SND1: variants seen among roughly 807,000 people sequenced by gnomAD.
SND1 encodes staphylococcal nuclease and tudor domain containing 1, also known as staphylococcal nuclease domain-containing protein 1.
SND1 carries 38 observed loss-of-function variants against 121.7 expected under a neutral mutation model. The ratio of observed to expected loss-of-function variants is 0.31; its 90% CI spans 0.24 to 0.41. The LOEUF (loss-of-function observed/expected upper bound fraction) is 0.41, where lower values mean the gene tolerates loss of function less well. Among genes scored for constraint, SND1 ranks in the 10% least tolerant of loss-of-function variants. The pLI is 1.00. For synonymous variants in SND1, 401 were observed against 447.4 expected (o/e 0.90, Z 1.31); for missense variants, 868 against 1,184.6 (o/e 0.73, Z 3.92).
At chr7:128,071,253 G>A (rs569022416) in intron 16 of SND1, among the ~76,000 whole-genome samples, 31 of 152,296 alleles carry the variant, frequency 2.0e-4, no homozygotes, top group African/African-American at 7.2e-4. Context: ...ATTAGACAAG[G>A]TGTCTTTAAA....
intron 16 of SND1, among the ~76,000 whole-genome samples, chr7:128,016,419 C>T (rs894020751): frequency 1.3e-5 from 2 of 152,032 alleles, no homozygotes; most frequent in African/African-American, 2.4e-5. Context: ...ACCTAAGGAA[C>T]AATAAAATAC....
At chr7:127,876,925 C>T (rs1429196889) in intron 12 of SND1, among the ~76,000 whole-genome samples, 3 of 152,050 alleles carry the variant, frequency 2.0e-5, no homozygotes, top group Non-Finnish European at 4.4e-5. Context: ...TTTCTTCTCT[C>T]ATTGTGATGA....
intron 15 of SND1, among the ~76,000 whole-genome samples, chr7:127,960,293 G>A (rs2116869370): frequency 6.6e-6 from 1 of 152,302 alleles, no homozygotes; most frequent in Non-Finnish European, 1.5e-5. Flanking sequence ...TGCATCGTGT[G>A]GGACTACCCG....
chr7:127,826,869 G>A (rs1798652430), intron 11 of SND1, among the ~76,000 whole-genome samples: 1 of 152,186 alleles, frequency 6.6e-6, no homozygotes, highest in African/African-American at 2.4e-5. Context: ...GTCTCTGTAT[G>A]TCAGTCTTCT....
In SND1 at chr7:128,029,168, G is replaced by A; in HGVS notation, c.1779+38112G>A. ...CACGGGTAGTCTGAATGAGCACCGT[G>A]GTAGAGGTGGTATATGCCGGCTGGT... On this transcript the variant is annotated intron_variant, in intron 16 of 23. Coordinates refer to ENST00000354725, the MANE Select transcript of SND1 (RefSeq NM_014390.4). The surrounding 1 kb of genome is among the most constrained non-coding windows in gnomAD (Gnocchi z 4.2). 6.2e-7 allele frequency: 1 copy of A among 1,614,098 alleles called. No individual in the cohort carries two copies. Among genetic ancestry groups the A allele is most frequent in the Non-Finnish European group, 8.5e-7 (1 of 1,180,022 alleles).
chr7:127,694,921 G>C lies in SND1; in HGVS notation c.322G>C (p.Glu108Gln). 2 of 1,613,858 alleles carry C rather than the reference G, an allele frequency of 1.2e-6. No homozygotes were observed. Among genetic ancestry groups the C allele is most frequent in the South Asian group, 2.2e-5 (2 of 91,016 alleles). The change falls in exon 3 of 24, where the codon GAG becomes CAG. Residue 108 changes from glutamate to glutamine, a missense_variant. Around this residue, in one of 2 missense-constraint regions of SND1, gnomAD observed 743 missense variants for 1,071.3 expected, o/e 0.69. Transcript: ENST00000354725. ...AGAAAACAAGACTCCCCAGGGGCGA[G>C]AGTATGGCATGATCTACCTTGGAAA... The part of the protein sequence containing the change: ...TIENKTPQGR[E>Q]YGMIYLGKDT...
chr7:127,867,871 C>T (rs1799507947), intron 12 of SND1, among the ~76,000 whole-genome samples: 1 of 150,196 alleles, frequency 6.7e-6, no homozygotes, highest in Non-Finnish European at 1.5e-5. Flanking sequence ...TTTATATTTA[C>T]ATTCCCTGGT....
intron 15 of SND1, among the ~76,000 whole-genome samples, chr7:127,937,861 A>G (rs2116833579): frequency 6.6e-6 from 1 of 152,372 alleles, no homozygotes; most frequent in South Asian, 2.1e-4. Flanking sequence ...AAGCCAATGT[A>G]TGTTTAAGTG....
chr7:127,868,193 TCCAGCTTGGGCAACATGGTGAAAC>T (rs1277473049), intron 12 of SND1, among the ~76,000 whole-genome samples: 1 of 152,116 alleles, frequency 6.6e-6, no homozygotes, highest in African/African-American at 2.4e-5. Flanking sequence ...AGAGTTCAGG[TCCAGCTTGGGCAACATGGTGAAAC>T]CCTTTCTCTA....
At chr7:128,032,824 C>G (rs1420321483) in intron 16 of SND1, among the ~76,000 whole-genome samples, 1 of 152,164 alleles carries the variant, frequency 6.6e-6, no homozygotes, top group Non-Finnish European at 1.5e-5. Context: ...CTCCTGTGCT[C>G]TCACTGGGGC....
intron 7 of SND1, among the ~76,000 whole-genome samples, 191 bp from the exon 8 acceptor site, chr7:127,704,648 G>A (rs889660027): frequency 6.6e-6 from 1 of 152,186 alleles, no homozygotes; most frequent in Admixed American, 6.5e-5. Flanking sequence ...ATTGAAAGGA[G>A]TCTCAGAGTG....
chr7:127,997,855 C>T (rs747506705), intron 16 of SND1: 1 of 534,786 alleles, frequency 1.9e-6, no homozygotes, highest in East Asian at 5.4e-5. Flanking sequence ...GCTTGCTTTC[C>T]TATTCACTCC....
chr7:127,773,020 C>T (rs934448288), intron 10 of SND1, among the ~76,000 whole-genome samples: 2 of 152,338 alleles, frequency 1.3e-5, no homozygotes, highest in South Asian at 2.1e-4. Context: ...ATTTGATTGG[C>T]ATACACCACA....
intron 9 of SND1, chr7:127,718,644 A>G: frequency 1.0e-6 from 1 of 985,368 alleles, no homozygotes; most frequent in Non-Finnish European, 1.2e-6. Flanking sequence ...TAAAATTTAC[A>G]GCTCTAAGAA....
intron 12 of SND1, among the ~76,000 whole-genome samples, chr7:127,855,028 T>A (rs952338857): frequency 1.2e-4 from 18 of 151,396 alleles, no homozygotes; most frequent in Non-Finnish European, 2.4e-4. Context: ...TTTTTTTTTT[T>A]AAAGAATATA....
intron 15 of SND1, among the ~76,000 whole-genome samples, chr7:127,952,690 A>C (rs1399071907): frequency 6.6e-6 from 1 of 152,182 alleles, no homozygotes; most frequent in African/African-American, 2.4e-5. Flanking sequence ...AACAATCTAG[A>C]TTATCTCTGA....
At chr7:127,810,577 G>A (rs1427557046) in intron 11 of SND1, among the ~76,000 whole-genome samples, 1 of 152,220 alleles carries the variant, frequency 6.6e-6, no homozygotes, top group African/African-American at 2.4e-5. Context: ...TTCTCGCTGT[G>A]TGAATACGAT....
intron 16 of SND1, among the ~76,000 whole-genome samples, chr7:128,012,749 C>A (rs1803143087): frequency 6.6e-6 from 1 of 152,230 alleles, no homozygotes; most frequent in South Asian, 2.1e-4. Flanking sequence ...ATACCACATC[C>A]TTGCTCAGGA....
intron 16 of SND1, among the ~76,000 whole-genome samples, chr7:128,025,852 T>A (rs1803463600): frequency 6.6e-6 from 1 of 152,166 alleles, no homozygotes; most frequent in Admixed American, 6.5e-5. Context: ...TCCCACAGAT[T>A]GAAGCTGAAT....
Sources: gnomAD v4.1 joint callset for allele counts (sites outside exome capture counted in the v4.1 genomes callset) on GRCh38, gnomAD v4.1.1 for gene constraint, gnomAD v4.1.1 regional missense constraint, Gnocchi (gnomAD v3.1) non-coding constraint, MANE v1.5 for transcripts, NCBI Gene and HGNC (gene_info 2026-07-23, HGNC 2026-07-21) for gene names.